Variants in MAP3K13 observed in about 807,000 individuals in gnomAD.
MAP3K13 encodes mitogen-activated protein kinase kinase kinase 13.
Under a neutral mutation model 104.0 loss-of-function variants are expected in MAP3K13, and 52 were observed. The observed-to-expected ratio is 0.50, with a 90% CI of 0.40 to 0.63. The LOEUF (loss-of-function observed/expected upper bound fraction) is 0.63. Among genes scored for constraint, MAP3K13 ranks in the 20% least tolerant of loss-of-function variants. MAP3K13 has a pLI of 0.00. For missense variants in MAP3K13, 914 were observed against 1,218.5 expected (o/e 0.75, Z 3.72); for synonymous variants, 394 against 442.2 (o/e 0.89, Z 1.37).
chr3:185,409,629 C>A (rs541366501), intron 1 of MAP3K13, among the ~76,000 whole-genome samples: 3 of 152,270 alleles, frequency 2.0e-5, no homozygotes, highest in African/African-American at 4.8e-5. Context: ...AACCCCACTA[C>A]TGAGTATTTA....
intron 2 of MAP3K13, among the ~76,000 whole-genome samples, chr3:185,296,000 C>T (rs903741324): frequency 1.3e-5 from 2 of 152,174 alleles, no homozygotes. Context: ...CCAGCACTTT[C>T]GGAGGCCAAG....
At chr3:185,410,422 A>G (rs1404791576) in intron 1 of MAP3K13, among the ~76,000 whole-genome samples, 6 of 152,192 alleles carry the variant, frequency 3.9e-5, no homozygotes, top group Admixed American at 2.0e-4. Context: ...CTACAGCTAT[A>G]GCGTCCCACA....
chr3:185,342,423 C>T lies in MAP3K13; in HGVS notation c.-86+56780C>T, dbSNP rs114891898. On this transcript the variant is annotated intron_variant, in intron 2 of 14. Transcript: ENST00000424227. ...GCTATTTTAGAAACATACTGGAAAA[C>T]GAGACTTTTATATAAAGAAACTCCA... is the stretch of plus-strand genomic sequence containing the variant. Among the ~76,000 whole-genome samples the T allele has an allele frequency of 5.7e-3, 864 of 152,074 alleles. 7 individuals are homozygous for T. The highest frequency in any genetic ancestry group is 0.019 in the African/African-American group (771 of 41,496).
chr3:185,428,866 G>C lies in MAP3K13; in HGVS notation c.285G>C (p.Thr95=), dbSNP rs373806484. 4 of 1,614,158 alleles carry C rather than the reference G, an allele frequency of 2.5e-6. No homozygotes were observed. The South Asian group carries it at 4.4e-5, about 18-fold the overall frequency. ...LQLREHDESE[T]AVSQGNSNTV... ...TAAGGGAACACGATGAATCAGAGAC[G>C]GCGGTGTCTCAGGGGAACAGCAACA... The change falls in exon 2 of 14, where the codon ACG becomes ACC. Residue 95 remains threonine (T), a synonymous_variant. Transcript: ENST00000265026.
chr3:185,322,990 C>T (rs1721918053), intron 2 of MAP3K13, among the ~76,000 whole-genome samples: 1 of 152,158 alleles, frequency 6.6e-6, no homozygotes, highest in Admixed American at 6.5e-5. Context: ...CTCCTTTCTC[C>T]AAGCCATTTT....
intron 1 of MAP3K13, among the ~76,000 whole-genome samples, chr3:185,384,532 A>G (rs1711568289): frequency 6.6e-6 from 1 of 152,150 alleles, no homozygotes; most frequent in Non-Finnish European, 1.5e-5. Context: ...GTTTTTTGAG[A>G]AACCTCCATA....
At chr3:185,302,348 G>A (rs998611801) in intron 2 of MAP3K13, among the ~76,000 whole-genome samples, 13 of 151,800 alleles carry the variant, frequency 8.6e-5, no homozygotes, top group Admixed American at 3.9e-4. Flanking sequence ...GGGGGGCAGA[G>A]GTTGCAGTGA....
chr3:185,479,485 A>G (rs780171860), intron 12 of MAP3K13, among the ~76,000 whole-genome samples: 27 of 152,204 alleles, frequency 1.8e-4, no homozygotes, highest in Non-Finnish European at 2.9e-4. Context: ...GTGAGAATCT[A>G]TGACTCTCTA....
chr3:185,305,553 A>T (rs1001902141), intron 2 of MAP3K13, among the ~76,000 whole-genome samples: 2 of 152,142 alleles, frequency 1.3e-5, no homozygotes, highest in Non-Finnish European at 2.9e-5. Context: ...GTATTACATG[A>T]TTCTGTATTT....
upstream of MAP3K13, among the ~76,000 whole-genome samples, chr3:185,361,109 T>C (rs1577463512): frequency 6.6e-6 from 1 of 151,034 alleles, no homozygotes; most frequent in East Asian, 1.9e-4. Flanking sequence ...TGTGTGTGTG[T>C]GTGTGTGTGT....
chr3:185,471,925 G>T (rs1318912795), intron 10 of MAP3K13, among the ~76,000 whole-genome samples: 1 of 152,176 alleles, frequency 6.6e-6, no homozygotes, highest in East Asian at 1.9e-4. Flanking sequence ...GATCCCAAGT[G>T]TTTAAAATTT....
At chr3:185,387,121 C>A (rs1038402925) in intron 1 of MAP3K13, among the ~76,000 whole-genome samples, 39 of 152,222 alleles carry the variant, frequency 2.6e-4, no homozygotes, top group African/African-American at 9.2e-4. Flanking sequence ...TCAACATCAG[C>A]AGAATGAAGG....
At chr3:185,461,315 C>T (rs1284775834) in intron 7 of MAP3K13, among the ~76,000 whole-genome samples, 1 of 152,116 alleles carries the variant, frequency 6.6e-6, no homozygotes, top group Non-Finnish European at 1.5e-5. Context: ...AGTCAACCAA[C>T]CAACAGAAAC....
intron 2 of MAP3K13, among the ~76,000 whole-genome samples, chr3:185,296,359 T>C (rs1042685295): frequency 2.6e-5 from 4 of 152,206 alleles, no homozygotes; most frequent in Admixed American, 1.3e-4. Flanking sequence ...TCCTTACCTC[T>C]CTACCATCTA....
chr3:185,447,974 C>A, intron 5 of MAP3K13, 27 bp downstream of exon 5: 2 of 1,589,418 alleles, frequency 1.3e-6, no homozygotes, highest in Non-Finnish European at 1.7e-6. Context: ...GTTGTGCCAA[C>A]TAAAAAGCCT....
intron 1 of MAP3K13, among the ~76,000 whole-genome samples, chr3:185,426,167 G>C (rs113373628): frequency 1.3e-5 from 2 of 152,174 alleles, no homozygotes; most frequent in Non-Finnish European, 2.9e-5. Flanking sequence ...TGCAACCTCC[G>C]CTTGCTGGGT....
chr3:185,442,756 A>G (rs1208422710), intron 3 of MAP3K13, among the ~76,000 whole-genome samples: 1 of 151,638 alleles, frequency 6.6e-6, no homozygotes, highest in Non-Finnish European at 1.5e-5. Context: ...CTGGTCTCGA[A>G]CTCCTGACCT....
intron 3 of MAP3K13, among the ~76,000 whole-genome samples, chr3:185,438,643 C>G (rs1289486930): frequency 6.6e-6 from 1 of 152,140 alleles, no homozygotes; most frequent in African/African-American, 2.4e-5. Flanking sequence ...TGCCTGGGAT[C>G]CCTAACAGAA....
At position 185,369,298 on chromosome 3, in the gene MAP3K13, G is replaced by C. The variant is rs537002115; in HGVS notation, c.-86+5930G>C. Among the ~76,000 whole-genome samples the C allele has an allele frequency of 3.9e-5, 6 of 152,326 alleles. No individual in the cohort carries two copies. The South Asian group carries it at 1.2e-3, about 32-fold the overall frequency. On this transcript the variant is annotated intron_variant, in intron 1 of 13. Transcript: ENST00000265026. ...TGTGCGGATATTGATTCCTCAAAGA[G>C]ATGGTGAACCATCAAACAAAGGGGT... is the stretch of plus-strand genomic sequence containing the variant.
Sources: allele counts gnomAD v4.1 joint callset (sites outside exome capture counted in the v4.1 genomes callset), GRCh38; gene constraint gnomAD v4.1.1; transcripts MANE v1.5; gene names NCBI Gene and HGNC (gene_info 2026-07-23, HGNC 2026-07-21).